IL21R: variants seen among roughly 807,000 people sequenced by gnomAD.
The protein encoded by IL21R is interleukin-21 receptor.
In IL21R, 14 loss-of-function variants were observed where a neutral mutation model predicts 41.3. That is an observed-to-expected ratio of 0.34 (90% confidence interval 0.22 to 0.53). The LOEUF (loss-of-function observed/expected upper bound fraction) is 0.53, where lower values mean the gene tolerates loss of function less well. Among genes scored for constraint, IL21R ranks in the 20% least tolerant of loss-of-function variants. The probability of loss-of-function intolerance (pLI) is 0.94; values close to 1 mark genes in which losing one functional copy is unlikely to be tolerated. For missense variants in IL21R, 588 were observed against 681.6 expected, an observed-to-expected ratio of 0.86 and a Z score of 1.53; for synonymous variants, 286 against 287.6, an observed-to-expected ratio of 0.99 and a Z score of 0.05.
At chr16:27,405,344 TTAAA>T (rs1186508750) in intron 1 of IL21R, among the ~76,000 whole-genome samples, 2 of 152,046 alleles carry the variant, frequency 1.3e-5, no homozygotes, top group African/African-American at 4.8e-5. Context: ...ATGTTTTACT[TTAAA>T]TATGTAAGAG....
chr16:27,437,667 G>A lies in IL21R; in HGVS notation c.332G>A (p.Ser111Asn). 1 of 1,614,078 alleles carries A rather than the reference G, an allele frequency of 6.2e-7. No homozygotes were observed. Residue 111 changes from serine to asparagine, a missense_variant, in exon 4 of 9, where the codon AGC becomes AAC. Ser to Asn is a conservative substitution (Grantham distance 46). Coordinates refer to ENST00000337929, the MANE Select transcript of IL21R (RefSeq NM_181078.3). Reference sequence around the variant, plus strand: ...GGCAACTACTCCCAGGAGTGTGGCAGCTTTCTCCTGGCTGAGAGCAGTGAG... The same window carrying A: ...GGCAACTACTCCCAGGAGTGTGGCAACTTTCTCCTGGCTGAGAGCAGTGAG... The part of the protein sequence containing the change: ...QSGNYSQECG[S>N]FLLAESIKPA...
intron 1 of IL21R, among the ~76,000 whole-genome samples, chr16:27,423,328 T>C (rs540618369): frequency 4.3e-4 from 66 of 152,244 alleles, no homozygotes; most frequent in Admixed American, 1.1e-3. Context: ...TCATCCATAT[T>C]TTATTTTACA....
chr16:27,419,651 C>T (rs8059254), intron 1 of IL21R, among the ~76,000 whole-genome samples: 2 of 151,848 alleles, frequency 1.3e-5, no homozygotes, highest in Non-Finnish European at 2.9e-5. Flanking sequence ...TGGTTTCCAA[C>T]TCCTGACCTC....
chr16:27,403,306 G>T, intron 1 of IL21R: 1 of 1,251,116 alleles, frequency 8.0e-7, no homozygotes, highest in South Asian at 1.3e-5. Context: ...GGATGGGAAA[G>T]GAAGAACATT....
intron 1 of IL21R, among the ~76,000 whole-genome samples, chr16:27,405,449 C>A (rs1000836211): frequency 6.6e-6 from 1 of 152,202 alleles, no homozygotes; most frequent in African/African-American, 2.4e-5. Flanking sequence ...AATAAGAGCT[C>A]TTATGATGAT....
At chr16:27,444,758 T>C (rs372925155) in intron 6 of IL21R, 39 bp downstream of exon 6, 2 of 1,461,042 alleles carry the variant, frequency 1.4e-6, no homozygotes, top group African/African-American at 1.4e-5. Context: ...ACTCCTGGTA[T>C]CAAATTTTGT....
chr16:27,418,005 TATTTTATTTATTTTATTTTA>T (rs1400224665), intron 1 of IL21R, among the ~76,000 whole-genome samples: 1 of 70,628 alleles, frequency 1.4e-5, no homozygotes, highest in East Asian at 1.9e-3. Flanking sequence ...ACATTTTTCC[TATTTTATTTATTTTATTTTA>T]TTTTATTTTA....
rs752449999 is a variant in IL21R, at chr16:27,448,809, G to A, written c.1143G>A (p.Val381=). ...TGGTGTCCATTGACACAGTGACTGT[G>A]CTAGATGCAGAGGGGCCATGCACCT... ...YGLVSIDTVT[V]LDAEGPCTWP... is the part of the protein sequence containing the mutation. Residue 381 remains valine, a synonymous_variant, in exon 9 of 9, where the codon GTG becomes GTA. Transcript: ENST00000337929. The A allele has an allele frequency of 1.9e-6, 3 of 1,613,454 alleles. No individual in the cohort carries two copies. In the Admixed American group the frequency reaches 5.0e-5, roughly 27 times the overall value.
chr16:27,437,349 G>C (rs993572318), intron 3 of IL21R, 139 bp from the exon 4 acceptor site: 3 of 676,384 alleles, frequency 4.4e-6, no homozygotes, highest in Non-Finnish European at 5.2e-6. Flanking sequence ...GGTTGGACCA[G>C]GTGACCACCC....
intron 1 of IL21R, among the ~76,000 whole-genome samples, chr16:27,418,889 A>T (rs2086950719): frequency 7.9e-6 from 1 of 126,428 alleles, no homozygotes; most frequent in South Asian, 2.6e-4. Flanking sequence ...TTTATTTTTT[A>T]TTTTTTTACT....
At chr16:27,440,248 T>TATATATATATATAGAGAGAGAGAGAGAG (rs1352160946) in intron 4 of IL21R, among the ~76,000 whole-genome samples, 4 of 64,030 alleles carry the variant, frequency 6.2e-5, no homozygotes, top group Non-Finnish European at 1.1e-4. Context: ...TATATATATA[T>TATATATATATATAGAGAGAGAGAGAGAG]AGAGAGAGAG....
At chr16:27,429,187 G>A (rs1174191688) in intron 1 of IL21R, among the ~76,000 whole-genome samples, 1 of 152,100 alleles carries the variant, frequency 6.6e-6, no homozygotes. Flanking sequence ...TCGGGCCACT[G>A]CACTCCAGCC....
intron 1 of IL21R, among the ~76,000 whole-genome samples, chr16:27,426,183 G>A (rs1262161890): frequency 6.6e-6 from 1 of 152,130 alleles, no homozygotes; most frequent in East Asian, 1.9e-4. Flanking sequence ...ACTGCCCAAG[G>A]CCACAAAGCC....
chr16:27,427,631 T>C (rs1024765316), intron 1 of IL21R, among the ~76,000 whole-genome samples: 1 of 152,104 alleles, frequency 6.6e-6, no homozygotes, highest in Non-Finnish European at 1.5e-5. Flanking sequence ...AGATGAGGAA[T>C]ATTGAATCTG....
chr16:27,417,356 G>A (rs1025446835), intron 1 of IL21R, among the ~76,000 whole-genome samples: 7 of 151,780 alleles, frequency 4.6e-5, no homozygotes, highest in Non-Finnish European at 8.8e-5. Flanking sequence ...TTGTAGAGAT[G>A]AGGTCTTGCC....
At chr16:27,440,957 C>T (rs1174684095) in intron 4 of IL21R, among the ~76,000 whole-genome samples, 8 of 147,138 alleles carry the variant, frequency 5.4e-5, no homozygotes, top group Middle Eastern at 7.2e-3. Flanking sequence ...AGGCTGAGGC[C>T]GTGTAATCGC....
intron 1 of IL21R, among the ~76,000 whole-genome samples, chr16:27,405,386 G>GA (rs34062723): frequency 3.3e-5 from 5 of 151,772 alleles, no homozygotes; most frequent in East Asian, 1.9e-4. Flanking sequence ...TGAAAATACA[G>GA]AAAAAAAATA....
At chr16:27,429,740 C>T (rs2087137072) in intron 1 of IL21R, among the ~76,000 whole-genome samples, 1 of 152,130 alleles carries the variant, frequency 6.6e-6, no homozygotes, top group Non-Finnish European at 1.5e-5. Context: ...CGCCATTGCA[C>T]TCCAGCCTGG....
At position 27,451,434 on chromosome 16, in the gene IL21R, CG is replaced by C. The variant is rs2087596880; in HGVS notation, c.*2152del. The C allele has an allele frequency of 4.5e-6, 1 of 220,056 alleles. No homozygotes were observed. 13.6% of individuals were successfully genotyped at this position (220,056 alleles called of 1,614,324 possible). A position where few individuals can be genotyped will look rare whatever the true frequency, so the allele number is the denominator to read the frequency against. On this transcript the variant is annotated 3_prime_UTR_variant, in exon 9 of 9. Coordinates refer to ENST00000337929, the MANE Select transcript of IL21R (RefSeq NM_181078.3). ...AGAGGAGCAAAGTTGGAGGGCCGGG[CG>C]TAGTGGCTCACACCTGTGATCTCAG...
Sources: gnomAD v4.1 joint callset for allele counts (sites outside exome capture counted in the v4.1 genomes callset) on GRCh38, gnomAD v4.1.1 for gene constraint, MANE v1.5 for transcripts, NCBI Gene and HGNC (gene_info 2026-07-23, HGNC 2026-07-21) for gene names.